The following PCDH7 variants were observed in gnomAD, a reference collection of about 807,000 sequenced individuals.
PCDH7 encodes the protein protocadherin 7, also known as protocadherin-7.
In PCDH7, 17 loss-of-function variants were observed where a neutral mutation model predicts 58.9. The observed-to-expected ratio is 0.29, with a 90% CI of 0.20 to 0.43. The LOEUF is 0.43. Ranked by LOEUF, PCDH7 falls within the 20% of genes least tolerant of loss-of-function variation. The pLI is 1.00. For synonymous variants in PCDH7, 664 were observed against 616.4 expected (o/e 1.08, Z -1.14); for missense variants, 1,274 against 1,441.0 (o/e 0.88, Z 1.88).
intron 3 of PCDH7, among the ~76,000 whole-genome samples, chr4:30,992,980 G>A (rs1366705265): frequency 6.6e-6 from 1 of 151,898 alleles, no homozygotes; most frequent in Non-Finnish European, 1.5e-5. Context: ...TGTATTTTCA[G>A]TAGAGATGGG....
At chr4:30,983,826 A>C (rs903551352) in intron 3 of PCDH7, among the ~76,000 whole-genome samples, 23 of 152,230 alleles carry the variant, frequency 1.5e-4, no homozygotes, top group Non-Finnish European at 3.1e-4. Flanking sequence ...TATCAAGAGC[A>C]CTAGAGCTGT....
intron 3 of PCDH7, among the ~76,000 whole-genome samples, chr4:31,065,505 A>G (rs774281505): frequency 1.3e-5 from 2 of 152,020 alleles, no homozygotes; most frequent in African/African-American, 4.8e-5. Flanking sequence ...TGCTTCTCCA[A>G]TTACAAAGCA....
chr4:30,904,708 C>T (rs991624864), intron 1 of PCDH7, among the ~76,000 whole-genome samples: 1 of 152,082 alleles, frequency 6.6e-6, no homozygotes, highest in African/African-American at 2.4e-5. Flanking sequence ...ATATATTTTT[C>T]CTTATGGTCA....
intron 3 of PCDH7, among the ~76,000 whole-genome samples, chr4:31,015,695 A>T (rs1034535429): frequency 3.9e-5 from 6 of 152,134 alleles, no homozygotes; most frequent in Non-Finnish European, 8.8e-5. Flanking sequence ...GAGTAAAACT[A>T]TTAGTATATT....
intron 1 of PCDH7, among the ~76,000 whole-genome samples, chr4:30,889,194 CTTT>C (rs1738271864): frequency 6.8e-6 from 1 of 146,942 alleles, no homozygotes; most frequent in Admixed American, 6.9e-5. Flanking sequence ...TAGAACTCTT[CTTT>C]AAGTTACCAA....
chr4:30,960,507 C>G (rs1748310928), intron 3 of PCDH7, among the ~76,000 whole-genome samples: 1 of 152,126 alleles, frequency 6.6e-6, no homozygotes, highest in African/African-American at 2.4e-5. Flanking sequence ...CTAGAGAACT[C>G]TTACACAGTA....
chr4:31,138,553 G>T (rs75204990), intron 3 of PCDH7, among the ~76,000 whole-genome samples: 1 of 152,088 alleles, frequency 6.6e-6, no homozygotes, highest in East Asian at 1.9e-4. Flanking sequence ...CTTATTCTTC[G>T]GCTTCAGCTC....
chr4:31,086,087 T>G (rs1443487460), intron 3 of PCDH7, among the ~76,000 whole-genome samples: 2 of 152,192 alleles, frequency 1.3e-5, no homozygotes, highest in African/African-American at 4.8e-5. Flanking sequence ...ATTCCTGGTT[T>G]TGCTTTGTTT....
At chr4:31,098,888 C>T (rs1714523614) in intron 3 of PCDH7, among the ~76,000 whole-genome samples, 3 of 152,132 alleles carry the variant, frequency 2.0e-5, no homozygotes, top group Non-Finnish European at 4.4e-5. Context: ...GGTTTGGTTT[C>T]GCCCAAGGCC....
At chr4:30,761,758 T>C (rs1720058723) in intron 1 of PCDH7, among the ~76,000 whole-genome samples, 2 of 152,202 alleles carry the variant, frequency 1.3e-5, no homozygotes, top group African/African-American at 2.4e-5. Flanking sequence ...TTATTTTGTG[T>C]TGTCATGTGC....
intron 1 of PCDH7, among the ~76,000 whole-genome samples, chr4:30,867,368 A>C (rs1254107697): frequency 2.0e-5 from 3 of 152,094 alleles, no homozygotes; most frequent in Non-Finnish European, 4.4e-5. Context: ...AATCAGTAAG[A>C]AAGTATATGT....
intron 3 of PCDH7, among the ~76,000 whole-genome samples, chr4:31,047,375 T>A (rs908555285): frequency 1.3e-5 from 2 of 152,078 alleles, no homozygotes; most frequent in South Asian, 4.1e-4. Context: ...GGTCATCATT[T>A]CATCTTTTTT....
In PCDH7 at chr4:30,721,660, C is replaced by G. The variant is rs1407526866; in HGVS notation, c.238C>G (p.Leu80Val). The G allele has an allele frequency of 8.7e-6, 14 of 1,613,890 alleles. No homozygotes were observed. The Admixed American group carries it at 2.2e-4, about 25-fold the overall frequency. Residue 80 changes from leucine (L) to valine (V), a missense_variant, in exon 1 of 2, where the codon CTC (leucine) becomes GTC (valine). This residue lies in a region of PCDH7 where 212 missense variants were observed against 255.8 expected (regional missense o/e 0.83). Transcript: ENST00000361762. The surrounding 1 kb of genome is among the most constrained non-coding windows in gnomAD (Gnocchi z 6.7). ...TTCCGAGTACCTGAAGATCGACAAC[C>G]TCACTGGCGAGCTGAGCACGAGCGA...
intron 3 of PCDH7, among the ~76,000 whole-genome samples, chr4:31,023,759 G>A (rs180702257): frequency 1.8e-4 from 28 of 152,054 alleles, no homozygotes; most frequent in East Asian, 5.8e-4. Flanking sequence ...GTACATAAAA[G>A]CTAGGCTACA....
At chr4:30,802,028 A>C (rs1181029568) in intron 1 of PCDH7, among the ~76,000 whole-genome samples, 3 of 152,192 alleles carry the variant, frequency 2.0e-5, no homozygotes, top group Non-Finnish European at 4.4e-5. Flanking sequence ...GCTCAAGGGA[A>C]AGCAGGGTGT....
At chr4:30,919,859 A>G (rs1578289268) in intron 1 of PCDH7, among the ~76,000 whole-genome samples, 1 of 152,170 alleles carries the variant, frequency 6.6e-6, no homozygotes, top group East Asian at 1.9e-4. Context: ...ATAGAATAGA[A>G]AAAGGTTGAA....
rs185724646 is a variant in PCDH7, at chr4:30,838,873, T to C, written c.71-81280T>C. On this transcript the variant is annotated intron_variant, in intron 1 of 3. Coordinates refer to the PCDH7 transcript ENST00000509759. ...TTTCTTAGAAATCAACTCATCCACATGTTGAAAAATCTAACTAATTTATGG... is the reference window on the plus strand; with the variant it reads ...TTTCTTAGAAATCAACTCATCCACACGTTGAAAAATCTAACTAATTTATGG... 1.5e-3 allele frequency among the ~76,000 whole-genome samples: 227 copies of C among 152,202 alleles called. 1 individual carries two copies. Among genetic ancestry groups the C allele is most frequent in the African/African-American group, 5.2e-3 (218 of 41,544 alleles).
intron 3 of PCDH7, among the ~76,000 whole-genome samples, chr4:30,954,715 A>G (rs1219608773): frequency 2.6e-5 from 4 of 152,136 alleles, no homozygotes; most frequent in African/African-American, 9.7e-5. Context: ...AGACCTCATC[A>G]ATGCCATTAA....
chr4:30,915,972 T>C (rs1236818769), intron 1 of PCDH7, among the ~76,000 whole-genome samples: 1 of 152,184 alleles, frequency 6.6e-6, no homozygotes, highest in Non-Finnish European at 1.5e-5. Flanking sequence ...AATTCCTGAG[T>C]GTTACAGCAT....
Sources: gnomAD v4.1 joint callset for allele counts (sites outside exome capture counted in the v4.1 genomes callset) on GRCh38, gnomAD v4.1.1 for gene constraint, gnomAD v4.1.1 regional missense constraint, Gnocchi (gnomAD v3.1) non-coding constraint, MANE v1.5 for transcripts, NCBI Gene and HGNC (gene_info 2026-07-23, HGNC 2026-07-21) for gene names.